Variants in FILIP1 observed in about 807,000 individuals in gnomAD.
FILIP1 encodes the protein filamin-A-interacting protein 1.
Under a neutral mutation model 102.1 loss-of-function variants are expected in FILIP1, and 61 were observed. The ratio of observed to expected loss-of-function variants is 0.60; its 90% confidence interval spans 0.49 to 0.74. FILIP1 has a LOEUF of 0.74. Ranked by LOEUF, FILIP1 falls within the 30% of genes least tolerant of loss-of-function variation. The pLI, the probability that FILIP1 is intolerant of heterozygous loss-of-function variation, is 0.00. For missense variants in FILIP1, 1,314 were observed against 1,441.2 expected (o/e 0.91, Z 1.43); for synonymous variants, 491 against 526.9 (o/e 0.93, Z 0.93).
chr6:75,409,301 A>G (rs951874465), intron 2 of FILIP1, among the ~76,000 whole-genome samples: 1 of 152,160 alleles, frequency 6.6e-6, no homozygotes, highest in Non-Finnish European at 1.5e-5. Context: ...CACATTTGTA[A>G]TATAAAGGAG....
chr6:75,315,294 T>C (rs1348433366), intron 4 of FILIP1, 92 bp from the exon 5 acceptor site: 1 of 762,212 alleles, frequency 1.3e-6, no homozygotes, highest in African/African-American at 1.8e-5. Flanking sequence ...GCCACTACAA[T>C]AAATCCCTTA....
At chr6:75,373,944 A>T (rs2842455) in intron 2 of FILIP1, among the ~76,000 whole-genome samples, 112,188 of 152,016 alleles carry the variant, frequency 0.74, 41,912 homozygotes, top group African/African-American at 0.86. Context: ...AGGAGGTAGA[A>T]CACATCACTG....
intron 2 of FILIP1, among the ~76,000 whole-genome samples, chr6:75,375,138 TG>T (rs1350812266): frequency 6.6e-6 from 1 of 152,204 alleles, no homozygotes. Flanking sequence ...CAGTCTCCCA[TG>T]TAGCCCACCC....
chr6:75,320,678 T>C (rs1773622205), intron 4 of FILIP1, among the ~76,000 whole-genome samples: 1 of 152,256 alleles, frequency 6.6e-6, no homozygotes, highest in Non-Finnish European at 1.5e-5. Context: ...TACATTTTTG[T>C]TAAACAGATA....
exon 7 of FILIP1, chr6:75,293,714 T>C (rs147122137): frequency 2.8e-4 from 43 of 152,298 alleles, no homozygotes; most frequent in Non-Finnish European, 3.5e-4. Flanking sequence ...CCTCTAACAT[T>C]TTCACTATTA....
In FILIP1 at chr6:75,345,614, G is replaced by A. The variant is rs547928813; in HGVS notation, c.629+7925C>T. 8.5e-5 allele frequency among the ~76,000 whole-genome samples: 13 copies of A among 152,196 alleles called. No individual in the cohort carries two copies. In the East Asian group the frequency reaches 1.5e-3, roughly 18 times the overall value. ...GTGGGGTGACCAGCCTTTTCCGTGCGCTATGTAAACGTCACACCTGGTCAA... is the reference window on the plus strand; with the variant it reads ...GTGGGGTGACCAGCCTTTTCCGTGCACTATGTAAACGTCACACCTGGTCAA... On this transcript the variant is annotated intron_variant, in intron 4 of 5. Coordinates refer to ENST00000237172, the MANE Select transcript of FILIP1 (RefSeq NM_015687.5).
intron 1 of FILIP1, among the ~76,000 whole-genome samples, 175 bp downstream of exon 1, chr6:75,493,239 T>C (rs2149791615): frequency 6.6e-6 from 1 of 152,362 alleles, no homozygotes; most frequent in Non-Finnish European, 1.5e-5. Context: ...GAAGAGATGA[T>C]GTTTCTGACT....
chr6:75,338,871 G>A (rs1337032917), intron 4 of FILIP1, among the ~76,000 whole-genome samples: 2 of 152,130 alleles, frequency 1.3e-5, no homozygotes, highest in African/African-American at 4.8e-5. Flanking sequence ...CCCCTCAGTT[G>A]TTGGAAATGT....
At chr6:75,391,651 A>G (rs1776283598) in intron 2 of FILIP1, among the ~76,000 whole-genome samples, 2 of 152,116 alleles carry the variant, frequency 1.3e-5, no homozygotes, top group Admixed American at 1.3e-4. Flanking sequence ...TCCTCTTTTG[A>G]CTAGCTAGGA....
At chr6:75,437,691 A>T (rs1012088272) in intron 1 of FILIP1, among the ~76,000 whole-genome samples, 2 of 152,218 alleles carry the variant, frequency 1.3e-5, no homozygotes, top group African/African-American at 4.8e-5. Flanking sequence ...AGATGTACTT[A>T]TTGGTCAGGG....
intron 2 of FILIP1, among the ~76,000 whole-genome samples, chr6:75,406,041 T>C (rs1276478856): frequency 1.3e-5 from 2 of 152,180 alleles, no homozygotes; most frequent in Non-Finnish European, 2.9e-5. Flanking sequence ...ATGTTCCCAA[T>C]GAAATTAAAA....
intron 2 of FILIP1, among the ~76,000 whole-genome samples, chr6:75,395,035 T>C (rs374843060): frequency 6.6e-5 from 10 of 152,218 alleles, no homozygotes; most frequent in East Asian, 5.8e-4. Flanking sequence ...TGTACCCAAA[T>C]ATACACTCTG....
intron 1 of FILIP1, among the ~76,000 whole-genome samples, chr6:75,491,582 G>A (rs1779959416): frequency 6.6e-6 from 1 of 152,124 alleles, no homozygotes; most frequent in South Asian, 2.1e-4. Context: ...GCATTAGTGT[G>A]GTGGAAGACA....
At chr6:75,436,183 G>C (rs1194816238) in intron 1 of FILIP1, among the ~76,000 whole-genome samples, 1 of 151,960 alleles carries the variant, frequency 6.6e-6, no homozygotes, top group Non-Finnish European at 1.5e-5. Flanking sequence ...GACCATCCTG[G>C]ACAACATGGT....
intron 2 of FILIP1, chr6:75,367,797 G>T (rs1775388607): frequency 6.6e-6 from 1 of 152,016 alleles, no homozygotes; most frequent in African/African-American, 2.4e-5. Flanking sequence ...CCTATATTTT[G>T]GGGATAAAAC....
intron 1 of FILIP1, among the ~76,000 whole-genome samples, chr6:75,447,753 C>G (rs969408567): frequency 6.6e-6 from 1 of 151,986 alleles, no homozygotes; most frequent in Non-Finnish European, 1.5e-5. Flanking sequence ...TCAGTGTGCC[C>G]TTAGCTAAAT....
chr6:75,471,208 T>G (rs1198371960), intron 1 of FILIP1, among the ~76,000 whole-genome samples: 6 of 139,564 alleles, frequency 4.3e-5, no homozygotes, highest in Admixed American at 4.3e-4. Flanking sequence ...TTTTACTACA[T>G]CAACCACAGG....
intron 1 of FILIP1, among the ~76,000 whole-genome samples, chr6:75,431,475 C>G (rs1273712758): frequency 6.6e-6 from 1 of 152,132 alleles, no homozygotes; most frequent in African/African-American, 2.4e-5. Context: ...CCCTTGTTTT[C>G]TGTTCACCCC....
chr6:75,310,160 C>T (rs562848149), intron 5 of FILIP1, among the ~76,000 whole-genome samples: 4 of 152,272 alleles, frequency 2.6e-5, no homozygotes, highest in Non-Finnish European at 5.9e-5. Context: ...GCACGCCAGG[C>T]TCCTTCACAC....
Sources: gnomAD v4.1 joint callset for allele counts (sites outside exome capture counted in the v4.1 genomes callset) on GRCh38, gnomAD v4.1.1 for gene constraint, MANE v1.5 for transcripts, NCBI Gene and HGNC (gene_info 2026-07-23, HGNC 2026-07-21) for gene names.